RPS10: variants seen among roughly 807,000 people sequenced by gnomAD.
RPS10 encodes small ribosomal subunit protein eS10.
A neutral mutation model predicts 22.6 loss-of-function variants in RPS10; 2 were observed. The ratio of observed to expected loss-of-function variants is 0.09; its 90% CI spans 0.04 to 0.28. The LOEUF (loss-of-function observed/expected upper bound fraction) is 0.28. Ranked by LOEUF, RPS10 falls within the 10% of genes least tolerant of loss-of-function variation. The probability of loss-of-function intolerance (pLI) is 1.00; values close to 1 mark genes in which losing one functional copy is unlikely to be tolerated. For missense variants in RPS10, 137 were observed against 222.2 expected (o/e 0.62, Z 2.44); for synonymous variants, 70 against 75.9 (o/e 0.92, Z 0.40).
chr6:34,417,979 CCTTAT>C (rs1179816798), intron 5 of RPS10: 2 of 705,708 alleles, frequency 2.8e-6, no homozygotes, highest in Admixed American at 2.2e-5. Context: ...GTAATTATCA[CCTTAT>C]TTTATAGATG....
chr6:34,424,446 G>A, intron 3 of RPS10: 1 of 570,852 alleles, frequency 1.8e-6, no homozygotes, highest in South Asian at 2.0e-5. Flanking sequence ...TGTGGGTGAA[G>A]AAAGTGACAG....
At chr6:34,424,328 C>T (rs1765878441) in intron 3 of RPS10, 3 of 321,084 alleles carry the variant, frequency 9.3e-6, no homozygotes, top group South Asian at 3.0e-5. Flanking sequence ...TTGTTTCTTT[C>T]GAGGTGGTAA....
chr6:34,424,541 T>G, intron 3 of RPS10, 128 bp downstream of exon 3: 3 of 1,293,760 alleles, frequency 2.3e-6, no homozygotes, highest in Admixed American at 2.0e-5. Context: ...GGGACAAAGG[T>G]TCTAGCACTT....
At chr6:34,424,575 C>A in intron 3 of RPS10, 94 bp downstream of exon 3, 2 of 1,528,846 alleles carry the variant, frequency 1.3e-6, no homozygotes, top group South Asian at 1.2e-5. Context: ...CAGGCCAGAG[C>A]CCTCTAAAGC....
intron 4 of RPS10, among the ~76,000 whole-genome samples, chr6:34,418,686 CACTG>C (rs755895934): frequency 6.6e-6 from 1 of 152,116 alleles, no homozygotes; most frequent in African/African-American, 2.4e-5. Context: ...CTTCCTATCA[CACTG>C]ACTGACTTAC....
chr6:34,425,621 C>T (rs1047690160), intron 1 of RPS10: 5 of 273,366 alleles, frequency 1.8e-5, no homozygotes, highest in Non-Finnish European at 2.9e-5. Flanking sequence ...GGTAAAGCCC[C>T]GGCTTCTTGA....
At chr6:34,422,456 A>T (rs991371000) in intron 3 of RPS10, among the ~76,000 whole-genome samples, 1 of 152,170 alleles carries the variant, frequency 6.6e-6, no homozygotes, top group Non-Finnish European at 1.5e-5. Flanking sequence ...GTGGGATTAC[A>T]TGCACGTGCC....
intron 3 of RPS10, 24 bp from the exon 4 acceptor site, chr6:34,421,831 G>C: frequency 1.9e-6 from 3 of 1,613,688 alleles, no homozygotes; most frequent in Non-Finnish European, 1.7e-6. Flanking sequence ...ACCACACTGT[G>C]AACACAGGGC....
intron 5 of RPS10, 149 bp downstream of exon 5, chr6:34,418,220 G>A: frequency 6.5e-7 from 1 of 1,539,986 alleles, no homozygotes; most frequent in Admixed American, 2.0e-5. Flanking sequence ...ACAACTCAAT[G>A]TAAAATTTGG....
chr6:34,419,288 A>G (rs1340355085), intron 4 of RPS10, among the ~76,000 whole-genome samples: 1 of 151,970 alleles, frequency 6.6e-6, no homozygotes, highest in African/African-American at 2.4e-5. Context: ...GGCCTCCTGA[A>G]GTGTTGGGAT....
At chr6:34,417,621 G>A in intron 5 of RPS10, 74 bp from the exon 6 acceptor site, 1 of 1,482,878 alleles carries the variant, frequency 6.7e-7, no homozygotes, top group Non-Finnish European at 9.4e-7. Context: ...CTAACTTTCA[G>A]GCCTCATTAT....
intron 4 of RPS10, 117 bp downstream of exon 4, chr6:34,421,613 A>C: frequency 1.7e-6 from 2 of 1,170,944 alleles, no homozygotes; most frequent in South Asian, 2.5e-5. Context: ...TGAAACCAAG[A>C]ATCTTTCCTG....
At chr6:34,425,006 C>T (rs1017120237) in intron 2 of RPS10, 66 bp downstream of exon 2, 8 of 1,610,624 alleles carry the variant, frequency 5.0e-6, no homozygotes, top group Non-Finnish European at 5.9e-6. Flanking sequence ...CCATCCCATT[C>T]CATCCCATCC....
chr6:34,420,339 C>T (rs1303682472), intron 4 of RPS10, among the ~76,000 whole-genome samples: 1 of 152,132 alleles, frequency 6.6e-6, no homozygotes, highest in Non-Finnish European at 1.5e-5. Flanking sequence ...CCTCAGCCTC[C>T]CGAGTAGCTG....
intron 4 of RPS10, among the ~76,000 whole-genome samples, 163 bp from the exon 5 acceptor site, chr6:34,418,587 T>C (rs1295996775): frequency 6.6e-6 from 1 of 152,208 alleles, no homozygotes; most frequent in Non-Finnish European, 1.5e-5. Context: ...GAGCCACCTT[T>C]GTCTCTCCTG....
intron 3 of RPS10, 69 bp downstream of exon 3, chr6:34,424,600 A>G: frequency 6.3e-7 from 1 of 1,593,548 alleles, no homozygotes; most frequent in South Asian, 1.1e-5. Context: ...ATCAGCTAAG[A>G]ATGCTTTTGT....
rs368006253 is a variant in RPS10 at position 34,418,465 on chromosome 6, A to G, written c.401-41T>C. On this transcript the variant is annotated intron_variant, in intron 4 of 5. Coordinates refer to ENST00000648437, the MANE Select transcript of RPS10 (RefSeq NM_001014.5). ...TCGATTTAGAATCATCATATGATCT[A>G]ATCTACTATAGAACAAGGGAAGACA... 241 of 1,614,048 alleles carry G rather than the reference A, an allele frequency of 1.5e-4. No homozygotes were observed. The African/African-American group carries it at 3.0e-3, about 20-fold the overall frequency.
rs1765640105 is a variant in RPS10, at chr6:34,418,147, C to T, written c.456+222G>A. The T allele has an allele frequency of 2.7e-6, 4 of 1,464,640 alleles. No homozygotes were observed. In the Admixed American group the frequency reaches 7.6e-5, roughly 28 times the overall value. The allele number at this position is 1,464,640 out of a possible 1,614,324, so 90.7% of individuals were successfully genotyped here. On this transcript the variant is annotated intron_variant, in intron 5 of 5. Coordinates refer to ENST00000648437, the MANE Select transcript of RPS10 (RefSeq NM_001014.5). Reference sequence around the variant, plus strand: ...TAATGAAACAGAAAATACTAGTAGGCCACATGTACTGATTTCTGAGACTCA... The same window carrying T: ...TAATGAAACAGAAAATACTAGTAGGTCACATGTACTGATTTCTGAGACTCA...
At chr6:34,419,813 G>C (rs1316592698) in intron 4 of RPS10, among the ~76,000 whole-genome samples, 1 of 151,530 alleles carries the variant, frequency 6.6e-6, no homozygotes. Flanking sequence ...CCTGACCTCA[G>C]GTGATCTGCC....
Sources: allele counts gnomAD v4.1 joint callset (sites outside exome capture counted in the v4.1 genomes callset), GRCh38; gene constraint gnomAD v4.1.1; transcripts MANE v1.5; gene names NCBI Gene and HGNC (gene_info 2026-07-23, HGNC 2026-07-21).